ELL: variants seen among roughly 807,000 people sequenced by gnomAD.
The protein encoded by ELL is RNA polymerase II elongation factor ELL.
Under a neutral mutation model 64.0 loss-of-function variants are expected in ELL, and 18 were observed. The observed-to-expected ratio is 0.28, with a 90% confidence interval of 0.19 to 0.42. The LOEUF is 0.42. ELL is among the 10% of genes least tolerant of loss of function. The probability of loss-of-function intolerance (pLI) is 1.00; values close to 1 mark genes in which losing one functional copy is unlikely to be tolerated. For missense variants in ELL, 797 were observed against 870.4 expected (o/e 0.92, Z 1.06); for synonymous variants, 399 against 376.2 (o/e 1.06, Z -0.70).
Position 18,471,162 on chromosome 19 carries a change from TA to T in ELL, c.183+1672del, listed in dbSNP as rs2144928356. The T allele has an allele frequency of 1.1e-5, 4 of 370,186 alleles. No individual in the cohort carries two copies. In the East Asian group the frequency reaches 2.2e-4, roughly 20 times the overall value. 22.9% of individuals were successfully genotyped at this position (370,186 alleles called of 1,614,324 possible). A position where few individuals can be genotyped will look rare whatever the true frequency, so the allele number is the denominator to read the frequency against. Reference sequence around the variant, plus strand: ...CCAAGGTGGGAAGATCATTTGAGCCTAGAAGTTCAAGACCAGCCTGGACAAC... The same window carrying T: ...CCAAGGTGGGAAGATCATTTGAGCCTGAAGTTCAAGACCAGCCTGGACAAC... On this transcript the variant is annotated intron_variant, in intron 2 of 11. Transcript: ENST00000262809.
In ELL at chr19:18,444,000, T is replaced by C. The variant is rs780814112; in HGVS notation, c.*752A>G. ...CTCAACTTGGAGCACAGAAACACAGTGGCCCCCGACAGCTGAGGGCCTGAA... is the reference window on the plus strand; with the variant it reads ...CTCAACTTGGAGCACAGAAACACAGCGGCCCCCGACAGCTGAGGGCCTGAA... On this transcript the variant is annotated 3_prime_UTR_variant, in exon 12 of 12. Coordinates refer to ENST00000262809, the MANE Select transcript of ELL (RefSeq NM_006532.4). 2 of 232,040 alleles carry C rather than the reference T, an allele frequency of 8.6e-6. No individual in the cohort carries two copies. The highest frequency in any genetic ancestry group is 4.4e-5 in the African/African-American group (2 of 45,274). 14.4% of individuals were successfully genotyped at this position (232,040 alleles called of 1,614,324 possible).
At chr19:18,460,504 G>A (rs962977762) in intron 5 of ELL, among the ~76,000 whole-genome samples, 1 of 152,100 alleles carries the variant, frequency 6.6e-6, no homozygotes, top group Non-Finnish European at 1.5e-5. Context: ...TGACTCCATC[G>A]AGCTCCCTTC....
At chr19:18,493,263 C>T (rs191462460) in intron 1 of ELL, among the ~76,000 whole-genome samples, 1 of 152,350 alleles carries the variant, frequency 6.6e-6, no homozygotes, top group African/African-American at 2.4e-5. Context: ...AAAAGAAGGG[C>T]CGCTGTCACC....
chr19:18,484,575 G>A (rs1422864963), intron 1 of ELL, among the ~76,000 whole-genome samples: 1 of 152,216 alleles, frequency 6.6e-6, no homozygotes, highest in Non-Finnish European at 1.5e-5. Flanking sequence ...AGGCGATCGA[G>A]GCTGCAGTGA....
At chr19:18,466,009 C>T (rs140137858) in intron 2 of ELL, 91 bp from the exon 3 acceptor site, 130 of 1,175,612 alleles carry the variant, frequency 1.1e-4, no homozygotes, top group Non-Finnish European at 2.1e-5. Flanking sequence ...CACAGTGCAA[C>T]CCTCACAACA....
At chr19:18,467,658 C>T (rs1399263240) in intron 2 of ELL, among the ~76,000 whole-genome samples, 2 of 109,090 alleles carry the variant, frequency 1.8e-5, no homozygotes, top group Non-Finnish European at 3.8e-5. Context: ...CACACACACA[C>T]ACACACACAC....
intron 1 of ELL, among the ~76,000 whole-genome samples, chr19:18,515,118 G>A (rs1185767013): frequency 6.6e-6 from 1 of 152,242 alleles, no homozygotes; most frequent in Non-Finnish European, 1.5e-5. Flanking sequence ...ACGGCAACCA[G>A]CTGAAAGCAC....
chr19:18,471,601 G>A (rs1360176240), intron 2 of ELL, among the ~76,000 whole-genome samples: 1 of 151,996 alleles, frequency 6.6e-6, no homozygotes. Context: ...CCAGGAGGCC[G>A]AAGTTGCAGT....
At chr19:18,444,901 G>C (rs1238605120) in intron 11 of ELL, 33 bp from the exon 12 acceptor site, 1 of 1,589,956 alleles carries the variant, frequency 6.3e-7, no homozygotes, top group Admixed American at 1.7e-5. Context: ...TCAGGACAGA[G>C]CCGCCCTGGG....
Position 18,458,235 on chromosome 19 carries a change from TC to T in ELL, c.838del (p.Asp280ThrfsTer5). ...GAGCACCCGCTTCAGCAGCTGCTGG[TC>T]CCCCTCCGAGTAGCCAGGCCAGTCC... The part of the protein sequence containing the change: ...QKDWPGYSEG[D>X]QQLLKRVLVR... On this transcript the variant is annotated frameshift_variant, in exon 6 of 12. Transcript: ENST00000262809. LOFTEE classifies it high-confidence loss of function. 6.2e-7 allele frequency: 1 copy of T among 1,611,622 alleles called. No individual in the cohort carries two copies.
chr19:18,481,732 G>A (rs1306412527), intron 1 of ELL, among the ~76,000 whole-genome samples: 2 of 152,142 alleles, frequency 1.3e-5, no homozygotes. Flanking sequence ...GTATAAATAC[G>A]CCACCTTCCC....
intron 1 of ELL, among the ~76,000 whole-genome samples, chr19:18,484,029 G>A (rs971519931): frequency 2.6e-5 from 4 of 152,222 alleles, no homozygotes; most frequent in African/African-American, 9.6e-5. Flanking sequence ...GAAAGACGCT[G>A]TCGTATGTGG....
intron 1 of ELL, among the ~76,000 whole-genome samples, chr19:18,484,704 GCTC>G (rs1226631868): frequency 6.6e-6 from 1 of 152,154 alleles, no homozygotes; most frequent in African/African-American, 2.4e-5. Context: ...CACAACCAAT[GCTC>G]TTTTGCCTCC....
intron 2 of ELL, among the ~76,000 whole-genome samples, chr19:18,469,905 C>G (rs1163057131): frequency 6.6e-6 from 1 of 152,240 alleles, no homozygotes; most frequent in Non-Finnish European, 1.5e-5. Flanking sequence ...CTGACTGGAT[C>G]CATGAAGGAA....
intron 1 of ELL, among the ~76,000 whole-genome samples, chr19:18,510,842 C>T (rs1010142419): frequency 2.6e-5 from 4 of 152,180 alleles, no homozygotes; most frequent in Middle Eastern, 3.2e-3. Flanking sequence ...CCAAATGAGG[C>T]CGGGAGCAGT....
chr19:18,469,332 T>C (rs1424672368), intron 2 of ELL, among the ~76,000 whole-genome samples: 3 of 152,188 alleles, frequency 2.0e-5, no homozygotes, highest in African/African-American at 4.8e-5. Context: ...ACGGGCTGTT[T>C]TGCTGCTGGT....
chr19:18,470,718 C>G (rs1455512364), intron 2 of ELL, among the ~76,000 whole-genome samples: 2 of 152,126 alleles, frequency 1.3e-5, no homozygotes, highest in African/African-American at 4.8e-5. Context: ...AGATGACCCT[C>G]GATGGTCTGG....
At chr19:18,465,306 T>A in intron 4 of ELL, 106 bp downstream of exon 4, 26 of 1,436,380 alleles carry the variant, frequency 1.8e-5, no homozygotes, top group Non-Finnish European at 2.3e-5. Flanking sequence ...TGACCCATCA[T>A]TTCTGTGCAG....
intron 1 of ELL, among the ~76,000 whole-genome samples, chr19:18,476,162 A>C (rs1975170590): frequency 6.6e-6 from 1 of 152,204 alleles, no homozygotes; most frequent in Non-Finnish European, 1.5e-5. Flanking sequence ...AGGGAGCAGC[A>C]GGGGACTGGA....
Sources: allele counts gnomAD v4.1 joint callset (sites outside exome capture counted in the v4.1 genomes callset), GRCh38; gene constraint gnomAD v4.1.1; transcripts MANE v1.5; gene names NCBI Gene and HGNC (gene_info 2026-07-23, HGNC 2026-07-21).